The following DYDC2 variants were observed in gnomAD, a reference collection of about 807,000 sequenced individuals.
The protein encoded by DYDC2 is DPY30 domain containing 2, also known as DPY30 domain-containing protein 2.
A neutral mutation model predicts 18.7 loss-of-function variants in DYDC2; 19 were observed. The observed-to-expected ratio is 1.02, with a 90% confidence interval of 0.71 to 1.49. DYDC2 has a LOEUF of 1.49. DYDC2 is among the 40% of genes most tolerant of loss of function. DYDC2 has a pLI of 0.00. For missense variants in DYDC2, 179 were observed against 205.1 expected, an observed-to-expected ratio of 0.87 and a Z score of 0.78; for synonymous variants, 63 against 67.6, an observed-to-expected ratio of 0.93 and a Z score of 0.34.
At position 80,363,008 on chromosome 10, in the gene DYDC2, G is replaced by A. The variant is rs749715497; in HGVS notation, c.205G>A (p.Glu69Lys). 1.2e-5 allele frequency: 19 copies of A among 1,613,988 alleles called. No individual in the cohort carries two copies. In the African/African-American group the frequency reaches 1.6e-4, roughly 14 times the overall value. ...ATATGACAGTAGCCTCAAGGAAATG[G>A]AAATGACAGAAATGCTGAAACAGGA... ...EEYDSSLKEM[E>K]MTEMLKQEEY... The change falls in exon 4 of 5, where the codon GAA (glutamate) becomes AAA (lysine). Residue 69 changes from glutamate to lysine, a missense_variant. Glu to Lys is a moderately conservative substitution (Grantham distance 56, BLOSUM62 1). Transcript: ENST00000256039.
At chr10:80,346,556 G>A (rs901538658) in intron 1 of DYDC2, among the ~76,000 whole-genome samples, 2 of 148,576 alleles carry the variant, frequency 1.3e-5, no homozygotes, top group Non-Finnish European at 3.0e-5. Context: ...TACCTCCTGG[G>A]TTCACACCAT....
chr10:80,358,361 G>C (rs1302451092), intron 2 of DYDC2, among the ~76,000 whole-genome samples: 4 of 152,182 alleles, frequency 2.6e-5, no homozygotes, highest in Admixed American at 1.3e-4. Context: ...CTGGGCGACA[G>C]ACCAAGGCTC....
chr10:80,363,113 C>G (rs778369711), intron 4 of DYDC2, 40 bp downstream of exon 4: 7 of 1,584,752 alleles, frequency 4.4e-6, no homozygotes, highest in South Asian at 1.2e-5. Flanking sequence ...CACACACATC[C>G]CAGTGATGGA....
chr10:80,351,894 G>T, upstream of DYDC2: 1 of 1,613,640 alleles, frequency 6.2e-7, no homozygotes. Context: ...TCTCCTACTT[G>T]CCTCACCTGC....
At chr10:80,344,948 T>G (rs747322982) in intron 1 of DYDC2, 5 of 154,082 alleles carry the variant, frequency 3.2e-5, no homozygotes, top group African/African-American at 9.6e-5. Flanking sequence ...GAAACACTGA[T>G]TCAATACAAC....
chr10:80,362,722 T>C (rs777404424), intron 3 of DYDC2, 132 bp downstream of exon 3: 68 of 1,426,088 alleles, frequency 4.8e-5, no homozygotes, highest in Non-Finnish European at 6.2e-5. Flanking sequence ...TAGAGCCAGA[T>C]ATCCCTGAAG....
intron 2 of DYDC2, among the ~76,000 whole-genome samples, chr10:80,359,916 GC>G (rs1466679785): frequency 6.6e-6 from 1 of 152,180 alleles, no homozygotes; most frequent in Non-Finnish European, 1.5e-5. Flanking sequence ...GCCTTGGCCA[GC>G]CCAGAGGGGC....
intron 2 of DYDC2, among the ~76,000 whole-genome samples, chr10:80,358,663 T>G (rs1843548537): frequency 6.6e-6 from 1 of 152,162 alleles, no homozygotes; most frequent in South Asian, 2.1e-4. Context: ...CAAAGTAGAT[T>G]GGTAACTACA....
At chr10:80,357,548 C>G (rs1334024718) in intron 1 of DYDC2, among the ~76,000 whole-genome samples, 1 of 152,134 alleles carries the variant, frequency 6.6e-6, no homozygotes, top group Non-Finnish European at 1.5e-5. Flanking sequence ...ACCGTCACTG[C>G]AAGCTGCTAA....
chr10:80,349,191 C>T (rs1459602187), intron 1 of DYDC2, among the ~76,000 whole-genome samples: 1 of 152,128 alleles, frequency 6.6e-6, no homozygotes, highest in East Asian at 1.9e-4. Context: ...GCGCCCGGCC[C>T]GCAGATAAAT....
rs564479401 is a variant in DYDC2 at position 80,357,539 on chromosome 10, C to G, written c.-162-354C>G. Among the ~76,000 whole-genome samples, 14 of 152,256 alleles carry G rather than the reference C, an allele frequency of 9.2e-5. No individual in the cohort carries two copies. In the South Asian group the frequency reaches 2.9e-3, roughly 32 times the overall value. On this transcript the variant is annotated intron_variant, in intron 1 of 4. Transcript: ENST00000256039. ...AAGACCTTCCAGAGTCCCTGGAAGA[C>G]CGTCACTGCAAGCTGCTAATAGCTT...
rs1972371 is a variant in DYDC2, at chr10:80,367,355, T to G, written c.*404T>G. On this transcript the variant is annotated 3_prime_UTR_variant, in exon 5 of 5. Coordinates refer to ENST00000256039, the MANE Select transcript of DYDC2 (RefSeq NM_032372.6). ...CAATGCTAGTATGGAGGCTGTGAAG[T>G]CCCCAAGCTCTGGAAGCCCACACTA... The G allele has an allele frequency of 0.75, 120,367 of 159,848 alleles. 46,240 individuals are homozygous for G. Among genetic ancestry groups the G allele is most frequent in the East Asian group, 0.97 (5,246 of 5,414 alleles). The allele number at this position is 159,848 out of a possible 1,614,324, so 9.9% of individuals were successfully genotyped here.
chr10:80,346,455 T>C (rs1842636849), intron 1 of DYDC2, among the ~76,000 whole-genome samples: 1 of 132,578 alleles, frequency 7.5e-6, no homozygotes, highest in Non-Finnish European at 1.6e-5. Context: ...TTTTTTTTTT[T>C]TTTTTTTTTT....
intron 1 of DYDC2, 34 bp downstream of exon 1, chr10:80,356,859 G>A (rs1467397134): frequency 5.1e-6 from 5 of 985,426 alleles, no homozygotes; most frequent in East Asian, 1.1e-4. Context: ...CAGCGAAGGG[G>A]GAACGCGCAG....
intron 4 of DYDC2, among the ~76,000 whole-genome samples, 172 bp downstream of exon 4, chr10:80,363,245 A>G (rs1843716833): frequency 6.6e-6 from 1 of 151,896 alleles, no homozygotes; most frequent in Admixed American, 6.6e-5. Context: ...GTTATTGACA[A>G]TCTTTGTTAA....
chr10:80,366,598 C>CTAAGTATTGCT, intron 4 of DYDC2, 90 bp from the exon 5 acceptor site: 1 of 1,448,434 alleles, frequency 6.9e-7, no homozygotes, highest in South Asian at 1.4e-5. Context: ...TAGTCTCTGG[C>CTAAGTATTGCT]ATGAAAATAG....
At chr10:80,356,772 T>A (rs960487973), upstream of DYDC2, 1 of 985,330 alleles carries the variant, frequency 1.0e-6, no homozygotes, top group South Asian at 4.7e-5. Context: ...CAACGAGAGC[T>A]CGCGCCTCAG....
chr10:80,358,486 C>G (rs967356379), intron 2 of DYDC2, among the ~76,000 whole-genome samples: 23 of 152,194 alleles, frequency 1.5e-4, no homozygotes, highest in Non-Finnish European at 1.5e-5. Flanking sequence ...GACTGTTGGG[C>G]AAACACATTT....
At chr10:80,358,650 A>G (rs1843547502) in intron 2 of DYDC2, among the ~76,000 whole-genome samples, 1 of 152,190 alleles carries the variant, frequency 6.6e-6, no homozygotes, top group South Asian at 2.1e-4. Flanking sequence ...ACAGTGATCC[A>G]GGCAAAGTAG....
Sources: gnomAD v4.1 joint callset for allele counts (sites outside exome capture counted in the v4.1 genomes callset) on GRCh38, gnomAD v4.1.1 for gene constraint, MANE v1.5 for transcripts, NCBI Gene and HGNC (gene_info 2026-07-23, HGNC 2026-07-21) for gene names.